The following SLC37A1 variants were observed in gnomAD, a reference collection of about 807,000 sequenced individuals.
The protein encoded by SLC37A1 is solute carrier family 37 member 1.
A neutral mutation model predicts 75.3 loss-of-function variants in SLC37A1; 49 were observed. That is an observed-to-expected ratio of 0.65 (90% CI 0.52 to 0.83). The LOEUF is 0.83. Among genes scored for constraint, SLC37A1 ranks in the 40% least tolerant of loss-of-function variants. The probability of loss-of-function intolerance (pLI) is 0.00; values close to 1 mark genes in which losing one functional copy is unlikely to be tolerated. For missense variants in SLC37A1, 566 were observed against 695.0 expected (o/e 0.81, Z 2.09); for synonymous variants, 268 against 292.1 (o/e 0.92, Z 0.84).
intron 9 of SLC37A1, among the ~76,000 whole-genome samples, chr21:42,549,623 A>G (rs1468687815): frequency 6.6e-6 from 1 of 152,198 alleles, no homozygotes; most frequent in Non-Finnish European, 1.5e-5. Context: ...TGCTCTGTGC[A>G]GGACACCAAC....
Position 42,572,619 on chromosome 21 carries a change from T to C in SLC37A1, c.1424-2199T>C, listed in dbSNP as rs370763412. ...TCTGCCCTTTCAGTGCATCCTGTTT[T>C]ATTTCATGTTAGACTGAATCATGTG... On this transcript the variant is annotated intron_variant, in intron 17 of 19. Transcript: ENST00000352133. Among the ~76,000 whole-genome samples, 57 of 147,842 alleles carry C rather than the reference T, an allele frequency of 3.9e-4. No homozygotes were observed. The East Asian group carries it at 6.6e-3, about 17-fold the overall frequency.
intron 10 of SLC37A1, among the ~76,000 whole-genome samples, chr21:42,556,336 G>C (rs2055690323): frequency 6.6e-6 from 1 of 152,236 alleles, no homozygotes; most frequent in Non-Finnish European, 1.5e-5. Context: ...CGCGGCGTGA[G>C]CACGGAGTGG....
chr21:42,575,784 CT>C, intron 18 of SLC37A1: 1 of 985,382 alleles, frequency 1.0e-6, no homozygotes, highest in Non-Finnish European at 1.2e-6. Context: ...TAAAACTCAA[CT>C]TCCCCACCAC....
In SLC37A1 at chr21:42,539,593, C is replaced by T. The variant is rs138282668; in HGVS notation, c.432C>T (p.Phe144=). 86 of 1,614,000 alleles carry T rather than the reference C, an allele frequency of 5.3e-5. No individual in the cohort carries two copies. The highest frequency in any genetic ancestry group is 6.5e-5 in the Non-Finnish European group (77 of 1,179,958). Reference sequence around the variant, plus strand: ...CCAGCGGAGCCTTCACCGCCCTGTTCGGCTTAGGGTATTTCTACAACATCC... The same window carrying T: ...CCAGCGGAGCCTTCACCGCCCTGTTTGGCTTAGGGTATTTCTACAACATCC... The part of the protein sequence containing the change: ...MLASGAFTAL[F]GLGYFYNIHS... Residue 144 remains phenylalanine (F), a synonymous_variant, in exon 6 of 20, where the codon TTC becomes TTT. Transcript: ENST00000352133.
chr21:42,525,361 G>GCAGCCTCGGC lies in SLC37A1; in HGVS notation c.57-413_57-404dup, dbSNP rs2054760681. ...TGTTGCCATTGGCATGTGAAGCGGGGCAGCCTCGGCCGGAGCCCCGCCCTG... is the reference window on the plus strand; with the variant it reads ...TGTTGCCATTGGCATGTGAAGCGGGGCAGCCTCGGCCAGCCTCGGCCGGAGCCCCGCCCTG... On this transcript the variant is annotated intron_variant, in intron 2 of 19. Coordinates refer to ENST00000352133, the MANE Select transcript of SLC37A1 (RefSeq NM_001320537.2). 3.3e-5 allele frequency among the ~76,000 whole-genome samples: 5 copies of GCAGCCTCGGC among 152,256 alleles called. No homozygotes were observed. The South Asian group carries it at 1.0e-3, about 32-fold the overall frequency.
Position 42,572,736 on chromosome 21 carries a change from G to C in SLC37A1, c.1424-2082G>C, listed in dbSNP as rs201154297. On this transcript the variant is annotated intron_variant, in intron 17 of 19. Transcript: ENST00000352133. ...GCTTAGTCTTCTGTTGGCTCTCTGG[G>C]GGGAGGTTCAACTTAGTCTTCTGTT... Among the ~76,000 whole-genome samples, 9 of 148,354 alleles carry C rather than the reference G, an allele frequency of 6.1e-5. No homozygotes were observed. The South Asian group carries it at 8.7e-4, about 14-fold the overall frequency.
intron 8 of SLC37A1, 114 bp downstream of exon 8, chr21:42,543,716 G>T (rs1044021639): frequency 1.9e-6 from 2 of 1,075,962 alleles, no homozygotes. Context: ...CTGTTTGCCC[G>T]TGGCTGCCTC....
Position 42,563,811 on chromosome 21 carries a change from A to G in SLC37A1, c.1073-4A>G, listed in dbSNP as rs369102681. 72 of 1,614,030 alleles carry G rather than the reference A, an allele frequency of 4.5e-5. No individual in the cohort carries two copies. The African/African-American group carries it at 6.8e-4, about 15-fold the overall frequency. On this transcript the variant is annotated splice_region_variant and splice_polypyrimidine_tract_variant and intron_variant, in intron 12 of 19. Coordinates refer to ENST00000352133, the MANE Select transcript of SLC37A1 (RefSeq NM_001320537.2). ...TGTTTCACACTCCGTTGTCATTTCA[A>G]TAGATCACCTTGATGCCAAAAAGGC...
At chr21:42,527,316 G>A (rs912795560) in intron 3 of SLC37A1, among the ~76,000 whole-genome samples, 3 of 152,096 alleles carry the variant, frequency 2.0e-5, no homozygotes, top group Non-Finnish European at 4.4e-5. Context: ...TGATGACTAT[G>A]AGGGCCCCTG....
At chr21:42,561,104 A>G (rs999861155) in intron 11 of SLC37A1, among the ~76,000 whole-genome samples, 2 of 152,256 alleles carry the variant, frequency 1.3e-5, no homozygotes, top group Admixed American at 6.5e-5. Flanking sequence ...AATTACACGT[A>G]CACATCCTCA....
Position 42,547,031 on chromosome 21 carries a change from CG to C in SLC37A1, c.731-69del. On this transcript the variant is annotated intron_variant, in intron 8 of 19. Coordinates refer to ENST00000352133, the MANE Select transcript of SLC37A1 (RefSeq NM_001320537.2). The surrounding 1 kb of genome is among the most constrained non-coding windows in gnomAD (Gnocchi z 6.1). ...CGGTGCTCCCGTGTTGCCCTGTCCT[CG>C]GGTTACGTAGCTTACTTGGCATTGC... 6.3e-7 allele frequency: 1 copy of C among 1,591,816 alleles called. No homozygotes were observed.
chr21:42,514,421 A>G lies in SLC37A1; in HGVS notation c.-475A>G, dbSNP rs2054482701. On this transcript the variant is annotated 5_prime_UTR_variant, in exon 1 of 20. Coordinates refer to ENST00000352133, the MANE Select transcript of SLC37A1 (RefSeq NM_001320537.2). This position sits in a 1 kb window ranked among gnomAD's most constrained non-coding sequence, Gnocchi z 4.8. ...GAGCCGGCAGGAGGGGACCCTGCGC[A>G]TTGTCTGCCGCGATGGGGACGTGGG... 1 of 152,038 alleles carries G rather than the reference A, an allele frequency of 6.6e-6. No homozygotes were observed. The highest frequency in any genetic ancestry group is 1.5e-5 in the Non-Finnish European group (1 of 68,010). 9.4% of individuals were successfully genotyped at this position (152,038 alleles called of 1,614,324 possible).
At chr21:42,565,689 T>C in intron 14 of SLC37A1, 138 bp from the exon 15 acceptor site, 1 of 717,762 alleles carries the variant, frequency 1.4e-6, no homozygotes, top group South Asian at 1.7e-5. Context: ...GGCGTGGCCG[T>C]CACGCTTTTT....
chr21:42,537,400 A>G (rs1022530188), intron 5 of SLC37A1, among the ~76,000 whole-genome samples: 7 of 152,212 alleles, frequency 4.6e-5, no homozygotes, highest in South Asian at 2.1e-4. Flanking sequence ...GTCTTACTGA[A>G]CACAAATAAT....
At chr21:42,509,717 C>T (rs1465351720), upstream of SLC37A1, 1 of 152,208 alleles carries the variant, frequency 6.6e-6, no homozygotes, top group African/African-American at 2.4e-5. The surrounding 1 kb of genome is among the most constrained non-coding windows in gnomAD (Gnocchi z 4.2). Context: ...ATAAATCACC[C>T]TTCCTCGCCA....
At chr21:42,510,370 C>A (rs2054422404), upstream of SLC37A1, among the ~76,000 whole-genome samples, 1 of 152,092 alleles carries the variant, frequency 6.6e-6, no homozygotes, top group Non-Finnish European at 1.5e-5. Context: ...AAACAAAAAC[C>A]TGCAGCAGAT....
In SLC37A1 at chr21:42,564,235, A is replaced by AAAATAAAT. The variant is rs1187799072; in HGVS notation, c.1135+361_1135+362insTAAATAAA. Among the ~76,000 whole-genome samples the AAAATAAAT allele has an allele frequency of 2.5e-4, 38 of 151,434 alleles. 1 individual carries two copies. Among genetic ancestry groups the AAAATAAAT allele is most frequent in the African/African-American group, 8.7e-4 (36 of 41,318 alleles). On this transcript the variant is annotated intron_variant, in intron 13 of 19. Coordinates refer to ENST00000352133, the MANE Select transcript of SLC37A1 (RefSeq NM_001320537.2). ...AGACCCCTCTCTACAAAAAAAAAAAAAAAAGCATAGCTGGGTGTGGTGGCT... is the reference window on the plus strand; with the variant it reads ...AGACCCCTCTCTACAAAAAAAAAAAAAAATAAATAAAAGCATAGCTGGGTGTGGTGGCT...
At chr21:42,534,670 C>A in intron 3 of SLC37A1, 28 bp from the exon 4 acceptor site, 1 of 1,599,364 alleles carries the variant, frequency 6.3e-7, no homozygotes, top group South Asian at 1.1e-5. Context: ...CTTCCTCTCC[C>A]TGCTTCTGCC....
chr21:42,540,935 T>G (rs907358920), intron 6 of SLC37A1, among the ~76,000 whole-genome samples: 1 of 152,222 alleles, frequency 6.6e-6, no homozygotes. Flanking sequence ...CCCAGCCCGG[T>G]CAGCCCAGAG....
Sources: allele counts gnomAD v4.1 joint callset (sites outside exome capture counted in the v4.1 genomes callset), GRCh38; gene constraint gnomAD v4.1.1; non-coding constraint Gnocchi (gnomAD v3.1); transcripts MANE v1.5; gene names NCBI Gene and HGNC (gene_info 2026-07-23, HGNC 2026-07-21).